PRPF4: variants seen among roughly 807,000 people sequenced by gnomAD.
The protein encoded by PRPF4 is pre-mRNA splicing tri-snRNP complex factor PRPF4.
A neutral mutation model predicts 72.2 loss-of-function variants in PRPF4; 14 were observed. The observed-to-expected ratio is 0.19, with a 90% CI of 0.13 to 0.30. The LOEUF (loss-of-function observed/expected upper bound fraction) is 0.30. Among genes scored for constraint, PRPF4 ranks in the 10% least tolerant of loss-of-function variants. The pLI is 1.00. For missense variants in PRPF4, 478 were observed against 653.9 expected (o/e 0.73, Z 2.93); for synonymous variants, 225 against 232.2 (o/e 0.97, Z 0.28).
chr9:113,290,894 A>C lies in PRPF4; in HGVS notation c.1254-4A>C, dbSNP rs1295417412. The C allele has an allele frequency of 6.2e-7, 1 of 1,613,994 alleles. No homozygotes were observed. The highest frequency in any genetic ancestry group is 1.1e-5 in the South Asian group (1 of 91,092). ...CTAACTTCAATACTGCATCCAATCC[A>C]CAGCTATCACATTGCAACCGGCAGT... On this transcript the variant is annotated splice_region_variant and splice_polypyrimidine_tract_variant and intron_variant, in intron 12 of 13. Coordinates refer to ENST00000374198, the MANE Select transcript of PRPF4 (RefSeq NM_001244926.2).
In PRPF4 at chr9:113,291,893, C is replaced by T. The variant is rs1212093886; in HGVS notation, c.*233C>T. On this transcript the variant is annotated 3_prime_UTR_variant, in exon 14 of 14. Transcript: ENST00000374198. ...TTTATTACCTTTTTACGCCCTGCCA[C>T]GAACTGTGTAGACATTGTTTTTATT... 1.5e-5 allele frequency: 7 copies of T among 473,956 alleles called. No individual in the cohort carries two copies. The highest frequency in any genetic ancestry group is 7.5e-5 in the South Asian group (3 of 40,074). The allele number at this position is 473,956 out of a possible 1,614,324, so 29.4% of individuals were successfully genotyped here.
intron 3 of PRPF4, among the ~76,000 whole-genome samples, chr9:113,281,153 C>T (rs1279349868): frequency 6.6e-6 from 1 of 152,210 alleles, no homozygotes; most frequent in Non-Finnish European, 1.5e-5. Context: ...GCTACCGCGC[C>T]CGGCCTTTCT....
intron 2 of PRPF4, 44 bp from the exon 3 acceptor site, chr9:113,278,901 A>G (rs1446976448): frequency 2.3e-5 from 37 of 1,585,902 alleles, no homozygotes; most frequent in African/African-American, 4.0e-5. Flanking sequence ...ATTTCTCTCT[A>G]TTTGAAGAAG....
intron 3 of PRPF4, 132 bp from the exon 4 acceptor site, chr9:113,282,514 A>G (rs1832312051): frequency 3.1e-6 from 2 of 647,842 alleles, no homozygotes; most frequent in South Asian, 4.8e-5. Context: ...GAACAGTGAG[A>G]GAATAGTAAA....
intron 10 of PRPF4, among the ~76,000 whole-genome samples, chr9:113,289,830 T>C (rs1013211404): frequency 2.6e-5 from 4 of 152,160 alleles, no homozygotes; most frequent in Admixed American, 2.0e-4. Context: ...GCCTAGTAAA[T>C]GTATAAATGC....
At chr9:113,290,829 A>C in intron 12 of PRPF4, 22 bp downstream of exon 12, 1 of 1,613,336 alleles carries the variant, frequency 6.2e-7, no homozygotes, top group Non-Finnish European at 8.5e-7. Flanking sequence ...ACACTGAATG[A>C]GGGGCGAAAA....
Position 113,275,751 on chromosome 9 carries a change from C to T in PRPF4, c.8C>T (p.Ser3Phe), listed in dbSNP as rs200111116. MA[S>F]SRASSTATKT... is the part of the protein sequence containing the mutation. ...GCGGCTCCAGAGCCCAGCATGGCTTCCTCGCGAGCCTCTTCCACGGTACAG... is the reference window on the plus strand; with the variant it reads ...GCGGCTCCAGAGCCCAGCATGGCTTTCTCGCGAGCCTCTTCCACGGTACAG... Residue 3 changes from serine (S) to phenylalanine (F), a missense_variant, in exon 1 of 14, where the codon TCC becomes TTC. Ser to Phe is a radical substitution (Grantham distance 155). Coordinates refer to ENST00000374198, the MANE Select transcript of PRPF4 (RefSeq NM_001244926.2). The T allele has an allele frequency of 1.6e-4, 252 of 1,612,178 alleles. No homozygotes were observed. The highest frequency in any genetic ancestry group is 2.0e-4 in the Non-Finnish European group (237 of 1,179,252).
At chr9:113,289,264 C>T (rs1314663519) in intron 10 of PRPF4, among the ~76,000 whole-genome samples, 1 of 152,170 alleles carries the variant, frequency 6.6e-6, no homozygotes, top group Non-Finnish European at 1.5e-5. Context: ...TTGATGGACA[C>T]TTGGGCTGTT....
chr9:113,291,351 A>G (rs928750258), intron 13 of PRPF4, 116 bp from the exon 14 acceptor site: 2 of 1,044,750 alleles, frequency 1.9e-6, no homozygotes, highest in Middle Eastern at 3.2e-4. Flanking sequence ...TTGTTCCCTT[A>G]AGTCTGTAGA....
At chr9:113,278,854 C>T in intron 2 of PRPF4, 91 bp from the exon 3 acceptor site, 1 of 1,267,420 alleles carries the variant, frequency 7.9e-7, no homozygotes, top group African/African-American at 1.5e-5. Flanking sequence ...AGTTACTTTT[C>T]CCTCAGGGCA....
chr9:113,287,792 C>G (rs1207552878), intron 9 of PRPF4, among the ~76,000 whole-genome samples: 1 of 152,196 alleles, frequency 6.6e-6, no homozygotes, highest in Non-Finnish European at 1.5e-5. Context: ...TGCTGATGTT[C>G]AGATCTTTTG....
At chr9:113,285,938 C>T (rs1038986437) in intron 7 of PRPF4, among the ~76,000 whole-genome samples, 3 of 152,006 alleles carry the variant, frequency 2.0e-5, no homozygotes, top group Admixed American at 6.5e-5. Flanking sequence ...TATTAATATT[C>T]GTATTATTGG....
intron 2 of PRPF4, among the ~76,000 whole-genome samples, chr9:113,278,621 C>T (rs183937289): frequency 6.6e-6 from 1 of 152,338 alleles, no homozygotes; most frequent in East Asian, 1.9e-4. Context: ...TCTGTTACAT[C>T]TTCTGGATAG....
chr9:113,284,168 T>C (rs2118618070), intron 6 of PRPF4, 127 bp from the exon 7 acceptor site: 1 of 635,206 alleles, frequency 1.6e-6, no homozygotes, highest in Non-Finnish European at 2.7e-6. Flanking sequence ...AACAAAACCA[T>C]AGAAGAATCT....
At position 113,283,437 on chromosome 9, in the gene PRPF4, GACA is replaced by G; in HGVS notation, c.614_616del (p.Thr205del). 1 of 1,614,118 alleles carries G rather than the reference GACA, an allele frequency of 6.2e-7. No homozygotes were observed. The highest frequency in any genetic ancestry group is 8.5e-7 in the Non-Finnish European group (1 of 1,180,014). ...CCCGACTCCATAAGGAGATTCCTGA[GACA>G]ACAAGGACCTCCCAGATGCAAGAGC... On this transcript the variant is annotated inframe_deletion, in exon 6 of 14. Transcript: ENST00000374198.
chr9:113,287,769 G>GT (rs1832492576), intron 9 of PRPF4, among the ~76,000 whole-genome samples: 1 of 152,186 alleles, frequency 6.6e-6, no homozygotes, highest in Admixed American at 6.5e-5. Context: ...TAGAGTTCAT[G>GT]TTTATTTCCT....
chr9:113,285,708 T>C (rs1832428561), intron 7 of PRPF4, among the ~76,000 whole-genome samples: 1 of 151,818 alleles, frequency 6.6e-6, no homozygotes, highest in Non-Finnish European at 1.5e-5. Context: ...ATTTAATTTT[T>C]TAAAACGTTA....
At position 113,292,102 on chromosome 9, in the gene PRPF4, A is replaced by G. The variant is rs1832625687; in HGVS notation, c.*442A>G. On this transcript the variant is annotated 3_prime_UTR_variant, in exon 14 of 14. Coordinates refer to ENST00000374198, the MANE Select transcript of PRPF4 (RefSeq NM_001244926.2). The stretch of plus-strand genomic sequence containing the variant: ...GTGGCTTCTGCCTGTGATTCCGGCT[A>G]CTTGGGAGGCTGAGGTGGGAGGGAT... 1.3e-5 allele frequency: 2 copies of G among 157,074 alleles called. No homozygotes were observed. Among genetic ancestry groups the G allele is most frequent in the South Asian group, 1.9e-4 (1 of 5,326 alleles). The allele number at this position is 157,074 out of a possible 1,614,324, so 9.7% of individuals were successfully genotyped here. A position where few individuals can be genotyped will look rare whatever the true frequency, so the allele number is the denominator to read the frequency against.
chr9:113,283,621 A>C lies in PRPF4; in HGVS notation c.654+139A>C, dbSNP rs1199136813. The C allele has an allele frequency of 6.3e-6, 5 of 794,558 alleles. No individual in the cohort carries two copies. In the Admixed American group the frequency reaches 1.3e-4, roughly 21 times the overall value. 49.2% of individuals were successfully genotyped at this position (794,558 alleles called of 1,614,324 possible). A position where few individuals can be genotyped will look rare whatever the true frequency, so the allele number is the denominator to read the frequency against. On this transcript the variant is annotated intron_variant, in intron 6 of 13. Transcript: ENST00000374198. ...CTTAAGTTGAGCTGCTGTGACATGG[A>C]AGGAGCCATCAGTTAATGTGGCAGG...
Sources: allele counts gnomAD v4.1 joint callset (sites outside exome capture counted in the v4.1 genomes callset), GRCh38; gene constraint gnomAD v4.1.1; transcripts MANE v1.5; gene names NCBI Gene and HGNC (gene_info 2026-07-23, HGNC 2026-07-21).